PRKX: variants seen among roughly 807,000 people sequenced by gnomAD.
PRKX encodes protein kinase cAMP-dependent X-linked catalytic subunit.
Under a neutral mutation model 22.0 loss-of-function variants are expected in PRKX, and 12 were observed. That is an observed-to-expected ratio of 0.54 (90% CI 0.35 to 0.88). The LOEUF (loss-of-function observed/expected upper bound fraction) is 0.88. PRKX is among the 40% of genes least tolerant of loss of function. PRKX has a pLI of 0.01. For missense variants in PRKX, 217 were observed against 308.0 expected, an observed-to-expected ratio of 0.70 and a Z score of 2.21; for synonymous variants, 134 against 137.7, an observed-to-expected ratio of 0.97 and a Z score of 0.19.
rs762222921 is a variant in PRKX, at chrX:3,708,977, C to T, written c.166+4111G>A. On this transcript the variant is annotated intron_variant, in intron 1 of 8. Coordinates refer to ENST00000262848, the MANE Select transcript of PRKX (RefSeq NM_005044.5). The stretch of plus-strand genomic sequence containing the variant: ...CTGGGTAAAACTGCACAGAACTCTA[C>T]ACACACACTCGCAAACACAAATGAG... Among the ~76,000 whole-genome samples, 8 of 109,886 alleles carry T rather than the reference C, an allele frequency of 7.3e-5. No individual in the cohort carries two copies. In the East Asian group the frequency reaches 2.0e-3, roughly 28 times the overall value.
intron 6 of PRKX, among the ~76,000 whole-genome samples, chrX:3,617,961 C>T (rs1397777685): frequency 3.0e-5 from 3 of 100,455 alleles, no homozygotes; most frequent in South Asian, 4.6e-4. Flanking sequence ...TTTGGGGGGG[C>T]GGGGCAATGG....
chrX:3,699,044 T>A (rs776518762), intron 1 of PRKX, among the ~76,000 whole-genome samples: 1 of 99,660 alleles, frequency 1.0e-5, no homozygotes, highest in South Asian at 4.6e-4. Context: ...TTTTATTTTA[T>A]TTTTTTTTTT....
chrX:3,657,735 G>A (rs1927508379), intron 2 of PRKX, among the ~76,000 whole-genome samples: 1 of 111,557 alleles, frequency 9.0e-6, no homozygotes, highest in African/African-American at 3.3e-5. Context: ...ACTTGCTTGT[G>A]GGAGCTTGCC....
At chrX:3,691,052 T>C (rs1290679325) in intron 1 of PRKX, among the ~76,000 whole-genome samples, 4 of 111,506 alleles carry the variant, frequency 3.6e-5, no homozygotes. Context: ...AGATGACCAT[T>C]ATAATTATAA....
chrX:3,690,639 G>A (rs1303788604), intron 1 of PRKX, among the ~76,000 whole-genome samples: 2 of 111,368 alleles, frequency 1.8e-5, no homozygotes, highest in Non-Finnish European at 3.8e-5. Context: ...GGCTGAGGCA[G>A]GAGGATCACT....
intron 7 of PRKX, 149 bp from the exon 8 acceptor site, chrX:3,612,474 G>A: frequency 3.2e-6 from 2 of 633,104 alleles, no homozygotes; most frequent in East Asian, 4.0e-5. Flanking sequence ...TTATGAAAGC[G>A]GCAATCTTTG....
intron 6 of PRKX, among the ~76,000 whole-genome samples, chrX:3,618,551 C>G (rs1159087688): frequency 9.0e-6 from 1 of 111,301 alleles, no homozygotes; most frequent in Admixed American, 9.6e-5. Context: ...TGGACCCATT[C>G]CACAATGGGT....
At chrX:3,633,378 T>C (rs1332040831) in intron 4 of PRKX, among the ~76,000 whole-genome samples, 7 of 108,665 alleles carry the variant, frequency 6.4e-5, no homozygotes, top group Admixed American at 3.0e-4. Context: ...CTGGGTAACA[T>C]AGCAAGACCC....
chrX:3,689,814 A>G (rs1033631490), intron 1 of PRKX, among the ~76,000 whole-genome samples: 8 of 111,393 alleles, frequency 7.2e-5, no homozygotes, highest in Non-Finnish European at 5.7e-5. Context: ...TGTCTCCACT[A>G]AAAATACAAA....
At chrX:3,681,082 T>C (rs1164722538) in intron 1 of PRKX, among the ~76,000 whole-genome samples, 2 of 107,842 alleles carry the variant, frequency 1.9e-5, no homozygotes, top group Admixed American at 1.0e-4. Flanking sequence ...CAAAAATAAA[T>C]AAATAAAAAA....
Position 3,656,444 on chromosome X carries a change from G to A in PRKX, c.336-1032C>T, listed in dbSNP as rs141783191. Among the ~76,000 whole-genome samples, 757 of 111,741 alleles carry A rather than the reference G, an allele frequency of 6.8e-3. 6 individuals carry two copies. Among genetic ancestry groups the A allele is most frequent in the African/African-American group, 0.023 (717 of 30,738 alleles). Reference sequence around the variant, plus strand: ...GAGATGTTAGGATATGGGTATAGACGTGTAGACCGGTGTTGCTCTGTGGGT... The same window carrying A: ...GAGATGTTAGGATATGGGTATAGACATGTAGACCGGTGTTGCTCTGTGGGT... On this transcript the variant is annotated intron_variant, in intron 2 of 8. Coordinates refer to ENST00000262848, the MANE Select transcript of PRKX (RefSeq NM_005044.5).
At chrX:3,650,451 G>A (rs1188770207) in intron 3 of PRKX, among the ~76,000 whole-genome samples, 6 of 90,693 alleles carry the variant, frequency 6.6e-5, no homozygotes, top group South Asian at 5.9e-4. Context: ...AACCCGGGAG[G>A]CAGAGCTTGC....
chrX:3,692,745 T>C (rs370607480), intron 1 of PRKX, among the ~76,000 whole-genome samples: 187 of 110,735 alleles, frequency 1.7e-3, no homozygotes, highest in African/African-American at 5.7e-3. Flanking sequence ...GCCAGGATGG[T>C]CTCAATCTCC....
intron 1 of PRKX, among the ~76,000 whole-genome samples, chrX:3,681,034 C>T (rs935695913): frequency 2.7e-5 from 3 of 110,114 alleles, no homozygotes; most frequent in East Asian, 2.9e-4. Flanking sequence ...TGGTTGCCAC[C>T]GCACTGCAGT....
In PRKX at chrX:3,665,082, C is replaced by T. The variant is rs770942667; in HGVS notation, c.335+9516G>A. 5.2e-4 allele frequency among the ~76,000 whole-genome samples: 58 copies of T among 112,026 alleles called. 1 individual carries two copies. The highest frequency in any genetic ancestry group is 7.7e-4 in the Non-Finnish European group (41 of 53,145). ...CTAGTGGCATGAGGCCAAAACTGCA[C>T]GGGGCGCGCGCGTGTGTGTGTGTGC... On this transcript the variant is annotated intron_variant, in intron 2 of 8. Transcript: ENST00000262848.
chrX:3,644,132 TCA>T (rs767916473), intron 3 of PRKX, among the ~76,000 whole-genome samples: 3 of 107,104 alleles, frequency 2.8e-5, no homozygotes, highest in Non-Finnish European at 5.7e-5. Flanking sequence ...GCATGGTAGT[TCA>T]CACCTGTAAT....
At chrX:3,709,930 C>T (rs1369575458) in intron 1 of PRKX, among the ~76,000 whole-genome samples, 2 of 109,806 alleles carry the variant, frequency 1.8e-5, no homozygotes, top group Middle Eastern at 4.7e-3. Flanking sequence ...CTCAGGTATG[C>T]GCCACCATGC....
intron 1 of PRKX, among the ~76,000 whole-genome samples, chrX:3,693,374 T>A (rs1178326395): frequency 2.7e-5 from 3 of 111,301 alleles, no homozygotes; most frequent in Non-Finnish European, 5.7e-5. Context: ...GGGCAGAGAA[T>A]GGGCTCAATT....
chrX:3,705,061 G>A (rs1249919868), intron 1 of PRKX, among the ~76,000 whole-genome samples: 2 of 111,859 alleles, frequency 1.8e-5, no homozygotes. Context: ...TGCCGCGTGG[G>A]GTGAATAGAG....
Sources: allele counts gnomAD v4.1 joint callset (sites outside exome capture counted in the v4.1 genomes callset), GRCh38; gene constraint gnomAD v4.1.1; transcripts MANE v1.5; gene names NCBI Gene and HGNC (gene_info 2026-07-23, HGNC 2026-07-21).